The following SGMS1 variants were observed in gnomAD, a reference collection of about 807,000 sequenced individuals.
SGMS1 encodes phosphatidylcholine:ceramide cholinephosphotransferase 1.
In SGMS1, 13 loss-of-function variants were observed where a neutral mutation model predicts 46.2. The ratio of observed to expected loss-of-function variants is 0.28; its 90% CI spans 0.18 to 0.45. The LOEUF (loss-of-function observed/expected upper bound fraction) is 0.45. Ranked by LOEUF, SGMS1 falls within the 20% of genes least tolerant of loss-of-function variation. SGMS1 has a pLI of 1.00. For missense variants in SGMS1, 324 were observed against 519.9 expected, an observed-to-expected ratio of 0.62 and a Z score of 3.66; for synonymous variants, 203 against 187.8, an observed-to-expected ratio of 1.08 and a Z score of -0.66.
chr10:50,349,556 C>A (rs1487022009), intron 6 of SGMS1, among the ~76,000 whole-genome samples: 1 of 149,902 alleles, frequency 6.7e-6, no homozygotes, highest in African/African-American at 2.5e-5. Context: ...CTGTGTCCCA[C>A]CCAAATCTCA....
chr10:50,336,322 A>G (rs1343167363), intron 7 of SGMS1, among the ~76,000 whole-genome samples: 3 of 152,210 alleles, frequency 2.0e-5, no homozygotes, highest in African/African-American at 7.2e-5. Flanking sequence ...CTAGAAACAG[A>G]AAGTAAAAGA....
intron 3 of SGMS1, among the ~76,000 whole-genome samples, chr10:50,509,909 G>A (rs1488885878): frequency 3.3e-5 from 5 of 152,086 alleles, no homozygotes; most frequent in African/African-American, 1.2e-4. Context: ...GACTTAATAA[G>A]GTATAATTTG....
At chr10:50,379,896 A>C (rs1367245494) in intron 6 of SGMS1, among the ~76,000 whole-genome samples, 3 of 152,176 alleles carry the variant, frequency 2.0e-5, no homozygotes, top group Non-Finnish European at 4.4e-5. Context: ...AGAAAAACAG[A>C]AGAGAACAGA....
At chr10:50,571,786 C>T (rs572560128) in intron 2 of SGMS1, among the ~76,000 whole-genome samples, 5,096 of 152,164 alleles carry the variant, frequency 0.033, 122 homozygotes, top group Non-Finnish European at 0.05. Flanking sequence ...TATATGCACA[C>T]ATACATATAA....
At chr10:50,366,568 T>C (rs530135663) in intron 6 of SGMS1, among the ~76,000 whole-genome samples, 50 of 152,198 alleles carry the variant, frequency 3.3e-4, no homozygotes, top group Non-Finnish European at 5.4e-4. Context: ...CCAACAATGA[T>C]AGACTACATT....
chr10:50,609,798 C>T (rs752977412), intron 1 of SGMS1, among the ~76,000 whole-genome samples: 11 of 151,822 alleles, frequency 7.2e-5, no homozygotes, highest in East Asian at 5.8e-4. Context: ...TGAGCATCTA[C>T]GGTCTCACTC....
intron 6 of SGMS1, among the ~76,000 whole-genome samples, chr10:50,372,003 T>C (rs1848442089): frequency 6.6e-6 from 1 of 152,224 alleles, no homozygotes; most frequent in Non-Finnish European, 1.5e-5. Flanking sequence ...ACACGTGAAC[T>C]CTGGGGAACA....
chr10:50,474,813 T>C (rs984074249), intron 3 of SGMS1, among the ~76,000 whole-genome samples: 2 of 152,078 alleles, frequency 1.3e-5, no homozygotes, highest in African/African-American at 2.4e-5. Context: ...TTAGAGGAAA[T>C]ACTTAGATCA....
chr10:50,496,421 C>T (rs1020010730), intron 3 of SGMS1, among the ~76,000 whole-genome samples: 5 of 152,148 alleles, frequency 3.3e-5, no homozygotes, highest in African/African-American at 1.2e-4. Context: ...AGCTTCCTTA[C>T]CAGACAGAAT....
At chr10:50,466,695 C>T (rs1483600810) in intron 4 of SGMS1, among the ~76,000 whole-genome samples, 195 bp downstream of exon 4, 2 of 152,090 alleles carry the variant, frequency 1.3e-5, no homozygotes, top group Non-Finnish European at 2.9e-5. Flanking sequence ...TGTATAAATA[C>T]ATACTTGTTC....
At chr10:50,325,798 C>T (rs73330929) in intron 8 of SGMS1, among the ~76,000 whole-genome samples, 1 of 152,118 alleles carries the variant, frequency 6.6e-6, no homozygotes, top group Non-Finnish European at 1.5e-5. Flanking sequence ...GCAAAATTTC[C>T]CAATGCACAG....
intron 2 of SGMS1, among the ~76,000 whole-genome samples, chr10:50,536,157 GACCCC>G (rs1837999783): frequency 6.6e-6 from 1 of 151,856 alleles, no homozygotes; most frequent in Non-Finnish European, 1.5e-5. Context: ...AACACACCAA[GACCCC>G]ATCTCTACCA....
Position 50,327,332 on chromosome 10 carries a change from G to C in SGMS1, c.624-10C>G, listed in dbSNP as rs1335925246. 3 of 1,398,776 alleles carry C rather than the reference G, an allele frequency of 2.1e-6. No homozygotes were observed. The highest frequency in any genetic ancestry group is 2.0e-6 in the Non-Finnish European group (2 of 989,848). 86.6% of individuals were successfully genotyped at this position (1,398,776 alleles called of 1,614,324 possible). On this transcript the variant is annotated splice_polypyrimidine_tract_variant and intron_variant, in intron 7 of 10. Transcript: ENST00000361781. ...TCTGCTAATAATAGACCTAGAAAAA[G>C]GGAAAAACAGGGCAGATTCTCAGTC...
Position 50,341,212 on chromosome 10 carries a change from T to C in SGMS1, c.623+2280A>G, listed in dbSNP as rs1847815754. On this transcript the variant is annotated intron_variant, in intron 7 of 10. Transcript: ENST00000361781. ...GGTCCCTCTGATACTACAAAAGATTTTAACCTTCTCTATGAGAGCCAGGAA... is the reference window on the plus strand; with the variant it reads ...GGTCCCTCTGATACTACAAAAGATTCTAACCTTCTCTATGAGAGCCAGGAA... The C allele has an allele frequency of 1.0e-5, 4 of 396,872 alleles. No homozygotes were observed. In the East Asian group the frequency reaches 2.9e-4, roughly 29 times the overall value. 24.6% of individuals were successfully genotyped at this position (396,872 alleles called of 1,614,324 possible). A position where few individuals can be genotyped will look rare whatever the true frequency, so the allele number is the denominator to read the frequency against.
intron 6 of SGMS1, among the ~76,000 whole-genome samples, chr10:50,387,987 C>T (rs1005065110): frequency 2.0e-5 from 3 of 152,182 alleles, no homozygotes; most frequent in Non-Finnish European, 4.4e-5. Context: ...TCTGTTTACA[C>T]CTGCATTTAG....
chr10:50,535,105 G>A (rs890506331), intron 2 of SGMS1, among the ~76,000 whole-genome samples: 14 of 151,894 alleles, frequency 9.2e-5, no homozygotes, highest in Non-Finnish European at 2.1e-4. Flanking sequence ...GGTGGCAGGT[G>A]CCTGTAGTCC....
chr10:50,483,716 A>G (rs893835243), intron 3 of SGMS1, among the ~76,000 whole-genome samples: 2 of 152,218 alleles, frequency 1.3e-5, no homozygotes, highest in African/African-American at 4.8e-5. Context: ...GCAAAATCAA[A>G]TTAGAACTCA....
intron 1 of SGMS1, among the ~76,000 whole-genome samples, chr10:50,612,423 A>T (rs1010301564): frequency 6.6e-6 from 1 of 152,164 alleles, no homozygotes; most frequent in Non-Finnish European, 1.5e-5. Context: ...AGGACTGGGG[A>T]AGGTAGTGCT....
At chr10:50,518,457 G>A (rs912524208) in intron 3 of SGMS1, among the ~76,000 whole-genome samples, 11 of 152,100 alleles carry the variant, frequency 7.2e-5, no homozygotes, top group African/African-American at 2.7e-4. Context: ...ATGGTGTTTC[G>A]CTCTTGTTGC....
Sources: gnomAD v4.1 joint callset for allele counts (sites outside exome capture counted in the v4.1 genomes callset) on GRCh38, gnomAD v4.1.1 for gene constraint, MANE v1.5 for transcripts, NCBI Gene and HGNC (gene_info 2026-07-23, HGNC 2026-07-21) for gene names.